Variants in DIRAS2 observed in about 807,000 individuals in gnomAD.
DIRAS2 encodes the protein DIRAS family GTPase 2.
A neutral mutation model predicts 13.9 loss-of-function variants in DIRAS2; 5 were observed. That is an observed-to-expected ratio of 0.36 (90% CI 0.19 to 0.76). The LOEUF (loss-of-function observed/expected upper bound fraction) is 0.76, where lower values mean the gene tolerates loss of function less well. Among genes scored for constraint, DIRAS2 ranks in the 30% least tolerant of loss-of-function variants. DIRAS2 has a pLI of 0.53. For missense variants in DIRAS2, 191 were observed against 263.0 expected (o/e 0.73, Z 1.89); for synonymous variants, 111 against 105.4 (o/e 1.05, Z -0.33).
chr9:90,620,470 A>G (rs771178937), intron 1 of DIRAS2, among the ~76,000 whole-genome samples: 2 of 152,220 alleles, frequency 1.3e-5, no homozygotes, highest in Non-Finnish European at 2.9e-5. Context: ...AGAAAAAGCA[A>G]TACAGGCTGG....
At chr9:90,635,560 C>CAACT (rs1825362476) in intron 1 of DIRAS2, among the ~76,000 whole-genome samples, 1 of 152,208 alleles carries the variant, frequency 6.6e-6, no homozygotes, top group African/African-American at 2.4e-5. Flanking sequence ...GAACTCTGAA[C>CAACT]AACTACACCA....
intron 1 of DIRAS2, among the ~76,000 whole-genome samples, chr9:90,626,936 C>T (rs1040557465): frequency 2.6e-5 from 4 of 152,276 alleles, no homozygotes; most frequent in Admixed American, 1.3e-4. Flanking sequence ...TGTCCCTGCC[C>T]ACATTTTGTG....
intron 1 of DIRAS2, among the ~76,000 whole-genome samples, chr9:90,618,184 A>C (rs1246941779): frequency 6.6e-6 from 1 of 152,242 alleles, no homozygotes; most frequent in East Asian, 1.9e-4. Context: ...ACAAGGATAT[A>C]ATACATCAAG....
At chr9:90,616,832 T>A (rs921747221) in intron 1 of DIRAS2, among the ~76,000 whole-genome samples, 3 of 152,068 alleles carry the variant, frequency 2.0e-5, no homozygotes, top group Non-Finnish European at 2.9e-5. Flanking sequence ...TTCTAGATAC[T>A]GTGCAAACTC....
intron 1 of DIRAS2, among the ~76,000 whole-genome samples, chr9:90,632,765 G>A (rs1825336671): frequency 6.6e-6 from 1 of 152,236 alleles, no homozygotes; most frequent in Non-Finnish European, 1.5e-5. Context: ...GGGAAGGGCA[G>A]GCTAAGCGAC....
At chr9:90,626,608 G>GT (rs943652697) in intron 1 of DIRAS2, among the ~76,000 whole-genome samples, 1 of 152,160 alleles carries the variant, frequency 6.6e-6, no homozygotes, top group Non-Finnish European at 1.5e-5. Context: ...TAGAATGGCT[G>GT]TTTTTAAAAA....
At position 90,611,560 on chromosome 9, in the gene DIRAS2, T is replaced by C. The variant is rs1243768347; in HGVS notation, c.*1668A>G. On this transcript the variant is annotated 3_prime_UTR_variant, in exon 2 of 2. Coordinates refer to ENST00000375765, the MANE Select transcript of DIRAS2 (RefSeq NM_017594.5). The stretch of plus-strand genomic sequence containing the variant: ...GCAAGTGTGCTTTGGGGGATGGAGA[T>C]GGCCACACTGCTGCTGCTGCAAGCC... The C allele has an allele frequency of 2.0e-5, 3 of 152,486 alleles. No individual in the cohort carries two copies. The highest frequency in any genetic ancestry group is 7.2e-5 in the African/African-American group (3 of 41,458). 9.4% of individuals were successfully genotyped at this position (152,486 alleles called of 1,614,324 possible).
chr9:90,614,529 T>C (rs1825148563), intron 1 of DIRAS2, among the ~76,000 whole-genome samples: 1 of 152,174 alleles, frequency 6.6e-6, no homozygotes, highest in African/African-American at 2.4e-5. Flanking sequence ...TCTCTGATGT[T>C]ACACAGCAAT....
At chr9:90,642,246 C>T (rs1376736936) in intron 1 of DIRAS2, among the ~76,000 whole-genome samples, 1 of 152,162 alleles carries the variant, frequency 6.6e-6, no homozygotes, top group Non-Finnish European at 1.5e-5. Flanking sequence ...GAAAGGAGCA[C>T]ATGTAGATAT....
intron 1 of DIRAS2, among the ~76,000 whole-genome samples, chr9:90,636,507 T>A (rs960699322): frequency 6.6e-6 from 1 of 152,232 alleles, no homozygotes; most frequent in Admixed American, 6.5e-5. Context: ...ACTTGAATAT[T>A]TCTACAATGT....
chr9:90,634,021 G>A (rs1017632072), intron 1 of DIRAS2, among the ~76,000 whole-genome samples: 12 of 152,220 alleles, frequency 7.9e-5, no homozygotes, highest in Non-Finnish European at 1.6e-4. Context: ...ACTTTTTAAA[G>A]AGAAGGTAAC....
At position 90,612,533 on chromosome 9, in the gene DIRAS2, T is replaced by C. The variant is rs138022793; in HGVS notation, c.*695A>G. 6.6e-6 allele frequency: 1 copy of C among 152,430 alleles called. No individual in the cohort carries two copies. The highest frequency in any genetic ancestry group is 1.9e-4 in the East Asian group (1 of 5,194). The allele number at this position is 152,430 out of a possible 1,614,324, so 9.4% of individuals were successfully genotyped here. On this transcript the variant is annotated 3_prime_UTR_variant, in exon 2 of 2. Coordinates refer to ENST00000375765, the MANE Select transcript of DIRAS2 (RefSeq NM_017594.5). ...TATCCTCACTTAAAAACTGAAGAAC[T>C]TCCGACAGAGCAGCACACTGTTAGT... is the stretch of plus-strand genomic sequence containing the variant.
intron 1 of DIRAS2, among the ~76,000 whole-genome samples, chr9:90,639,070 A>T (rs1261957842): frequency 6.6e-6 from 1 of 152,186 alleles, no homozygotes; most frequent in Non-Finnish European, 1.5e-5. Flanking sequence ...CACTTTGCAG[A>T]CATTAATTAG....
In DIRAS2 at chr9:90,613,985, A is replaced by T; in HGVS notation, c.-36-122T>A. ...AGGTGATAACATTTAAAATAGCGAC[A>T]ATTCTAAATCCAATAAATTTGGTCA... On this transcript the variant is annotated intron_variant, in intron 1 of 1. Transcript: ENST00000375765. This position sits in a 1 kb window ranked among gnomAD's most constrained non-coding sequence, Gnocchi z 5.6. 1 of 1,024,520 alleles carries T rather than the reference A, an allele frequency of 9.8e-7. No homozygotes were observed. The highest frequency in any genetic ancestry group is 1.4e-6 in the Non-Finnish European group (1 of 726,740). 63.5% of individuals were successfully genotyped at this position (1,024,520 alleles called of 1,614,324 possible).
At chr9:90,624,059 C>G (rs933063210) in intron 1 of DIRAS2, among the ~76,000 whole-genome samples, 4 of 152,204 alleles carry the variant, frequency 2.6e-5, no homozygotes, top group Non-Finnish European at 5.9e-5. Context: ...CAGATTGTCT[C>G]TGCTCAATTA....
intron 1 of DIRAS2, among the ~76,000 whole-genome samples, chr9:90,616,874 AG>A (rs1825174933): frequency 6.6e-6 from 1 of 152,120 alleles, no homozygotes; most frequent in Non-Finnish European, 1.5e-5. Flanking sequence ...ACAGCATTAG[AG>A]GGGGGACAAG....
intron 1 of DIRAS2, among the ~76,000 whole-genome samples, chr9:90,616,663 G>A (rs1227683884): frequency 6.7e-6 from 1 of 149,936 alleles, no homozygotes; most frequent in Non-Finnish European, 1.5e-5. Context: ...CTTGAACCTG[G>A]GAGGTGGAGG....
chr9:90,622,276 TCATA>T (rs34592137), intron 1 of DIRAS2, among the ~76,000 whole-genome samples: 8 of 151,414 alleles, frequency 5.3e-5, no homozygotes, highest in South Asian at 2.1e-4. Flanking sequence ...ATACATACAT[TCATA>T]CATACATACA....
chr9:90,641,052 C>T (rs1232660044), intron 1 of DIRAS2, among the ~76,000 whole-genome samples: 1 of 152,048 alleles, frequency 6.6e-6, no homozygotes, highest in Non-Finnish European at 1.5e-5. Context: ...ATTTCCAATA[C>T]AGTAAAAGTC....
Sources: allele counts gnomAD v4.1 joint callset (sites outside exome capture counted in the v4.1 genomes callset), GRCh38; gene constraint gnomAD v4.1.1; non-coding constraint Gnocchi (gnomAD v3.1); transcripts MANE v1.5; gene names NCBI Gene and HGNC (gene_info 2026-07-23, HGNC 2026-07-21).